Variants in R3HDM1 observed in about 807,000 individuals in gnomAD.
R3HDM1 encodes R3H domain-containing protein 1.
A neutral mutation model predicts 141.1 loss-of-function variants in R3HDM1; 46 were observed. That is an observed-to-expected ratio of 0.33 (90% CI 0.26 to 0.42). R3HDM1 has a LOEUF of 0.42. Ranked by LOEUF, R3HDM1 falls within the 10% of genes least tolerant of loss-of-function variation. The pLI, the probability that R3HDM1 is intolerant of heterozygous loss-of-function variation, is 1.00. For synonymous variants in R3HDM1, 435 were observed against 472.9 expected (o/e 0.92, Z 1.04); for missense variants, 1,184 against 1,368.3 (o/e 0.87, Z 2.12).
At chr2:135,648,618 T>C (rs1359447897) in intron 16 of R3HDM1, among the ~76,000 whole-genome samples, 1 of 152,188 alleles carries the variant, frequency 6.6e-6, no homozygotes, top group Non-Finnish European at 1.5e-5. Flanking sequence ...TACCTTAGTC[T>C]AACTGCCTTC....
intron 5 of R3HDM1, among the ~76,000 whole-genome samples, chr2:135,617,004 A>G (rs2061078804): frequency 6.6e-6 from 1 of 152,140 alleles, no homozygotes; most frequent in Non-Finnish European, 1.5e-5. Flanking sequence ...TGGCTTTAAG[A>G]AAGTTATAAA....
rs1242606405 is a variant in R3HDM1, at chr2:135,713,095, G to C, written c.2737-2455G>C. On this transcript the variant is annotated intron_variant, in intron 23 of 26. Transcript: ENST00000683871. ...TATACACCTGTAGCGCTAGTTACTT[G>C]GGAGGCTGAACCAGGAGGATTGCTT... Among the ~76,000 whole-genome samples, 3 of 151,970 alleles carry C rather than the reference G, an allele frequency of 2.0e-5. No individual in the cohort carries two copies. In the East Asian group the frequency reaches 5.8e-4, roughly 29 times the overall value.
rs1376268772 is a variant in R3HDM1 at position 135,647,811 on chromosome 2, T to G, written c.1624-2091T>G. Among the ~76,000 whole-genome samples, 3 of 152,196 alleles carry G rather than the reference T, an allele frequency of 2.0e-5. No homozygotes were observed. The East Asian group carries it at 5.8e-4, about 29-fold the overall frequency. On this transcript the variant is annotated intron_variant, in intron 16 of 26. Transcript: ENST00000683871. ...ACCAATTACTTTAGGTGGATGTTGT[T>G]TTGCAGCCAGTTGCAATTCAAGTAG...
chr2:135,642,662 T>C (rs2063923952), intron 15 of R3HDM1, among the ~76,000 whole-genome samples: 1 of 152,190 alleles, frequency 6.6e-6, no homozygotes, highest in African/African-American at 2.4e-5. Flanking sequence ...TAGATTTAGC[T>C]GATGTGGTCT....
Position 135,641,570 on chromosome 2 carries a change from A to G in R3HDM1, c.1254A>G (p.Thr418=), listed in dbSNP as rs2063795080. 2.5e-6 allele frequency: 4 copies of G among 1,613,914 alleles called. No homozygotes were observed. In the East Asian group the frequency reaches 6.7e-5, roughly 27 times the overall value. ...SESSGSVGSS[T]GSLSHIQQPL... is the part of the protein sequence containing the mutation. ...CTTCTGGTAGTGTAGGGTCATCTAC[A>G]GGCTCTCTTTCTCACATCCAGCAGC... Residue 418 remains threonine (T), a synonymous_variant, in exon 15 of 27, where the codon ACA becomes ACG. Coordinates refer to ENST00000683871, the MANE Select transcript of R3HDM1 (RefSeq NM_001378107.1).
At chr2:135,540,809 C>T (rs984185517) in intron 1 of R3HDM1, among the ~76,000 whole-genome samples, 17 of 152,256 alleles carry the variant, frequency 1.1e-4, no homozygotes, top group African/African-American at 3.6e-4. Context: ...CTATCTTTGG[C>T]GGCCATGTAG....
chr2:135,714,764 TACACAC>T (rs144894901), intron 23 of R3HDM1, among the ~76,000 whole-genome samples: 4 of 146,858 alleles, frequency 2.7e-5, no homozygotes, highest in South Asian at 2.2e-4. Context: ...TATGGGTGTA[TACACAC>T]ACACACACAC....
chr2:135,552,048 G>A (rs1699930240), intron 1 of R3HDM1, among the ~76,000 whole-genome samples: 1 of 152,164 alleles, frequency 6.6e-6, no homozygotes, highest in South Asian at 2.1e-4. Flanking sequence ...AGTTTATTTA[G>A]TAAAGAAGTT....
rs2069005024 is a variant in R3HDM1, at chr2:135,675,401, A to G, written c.2222A>G (p.Gln741Arg). 5 of 1,614,048 alleles carry G rather than the reference A, an allele frequency of 3.1e-6. No homozygotes were observed. The East Asian group carries it at 1.1e-4, about 36-fold the overall frequency. The change falls in exon 20 of 27, where the codon CAG becomes CGG. Residue 741 changes from glutamine (Q) to arginine (R), a missense_variant. By Grantham distance (43) the Gln-to-Arg change is conservative. This residue lies in a region of R3HDM1 where 563 missense variants were observed against 562.0 expected (regional missense o/e 1.00). Transcript: ENST00000683871. ...GIVGVQQPQS[Q>R]SLVSGQPNSI... ...GTTGGAGTTCAGCAACCCCAGAGTC[A>G]GAGCCTAGTCAGTGGCCAACCCAAC... is the stretch of plus-strand genomic sequence containing the variant.
intron 9 of R3HDM1, chr2:135,633,719 A>C (rs2062961270): frequency 6.6e-6 from 1 of 152,164 alleles, no homozygotes; most frequent in Non-Finnish European, 1.5e-5. Context: ...TCCAGCCTTG[A>C]ATCAGTGGTG....
chr2:135,588,701 A>G (rs1708521293), intron 1 of R3HDM1, among the ~76,000 whole-genome samples: 1 of 152,044 alleles, frequency 6.6e-6, no homozygotes, highest in South Asian at 2.1e-4. Context: ...AAAGGGAATT[A>G]TTTTTCTCTT....
In R3HDM1 at chr2:135,630,292, AAAAAAAAAAAAAAAAAC is replaced by A. The variant is rs1171938788; in HGVS notation, c.498-1415_498-1399del. The stretch of plus-strand genomic sequence containing the variant: ...AACTCCTTCTCAACCAAAAAAAAAA[AAAAAAAAAAAAAAAAAC>A]AAAAAAAAAACGAGATTCTCATACT... On this transcript the variant is annotated intron_variant, in intron 7 of 26. Transcript: ENST00000683871. Among the ~76,000 whole-genome samples, 79 of 146,098 alleles carry A rather than the reference AAAAAAAAAAAAAAAAAC, an allele frequency of 5.4e-4. 1 individual carries two copies. Among genetic ancestry groups the A allele is most frequent in the African/African-American group, 1.9e-3 (72 of 37,954 alleles).
At chr2:135,532,041 C>G (rs770336313) in intron 1 of R3HDM1, among the ~76,000 whole-genome samples, 116 of 152,228 alleles carry the variant, frequency 7.6e-4, no homozygotes, top group Non-Finnish European at 1.5e-3. Context: ...TCTTGCAGCC[C>G]CAGGGACTCG....
chr2:135,669,685 G>A (rs2068041721), intron 19 of R3HDM1: 2 of 603,178 alleles, frequency 3.3e-6, no homozygotes, highest in South Asian at 1.5e-4. Flanking sequence ...CATAGAGAAG[G>A]TATGAACCTC....
At chr2:135,581,912 C>G (rs1002473596) in intron 1 of R3HDM1, among the ~76,000 whole-genome samples, 4 of 152,184 alleles carry the variant, frequency 2.6e-5, no homozygotes, top group African/African-American at 7.2e-5. Context: ...TATATTGACT[C>G]TAAGCCTTGA....
chr2:135,651,002 G>C, intron 17 of R3HDM1: 2 of 985,372 alleles, frequency 2.0e-6, no homozygotes, highest in Non-Finnish European at 1.2e-6. Flanking sequence ...ATAAGAGCTG[G>C]TCCTTATCCT....
At chr2:135,702,219 A>G (rs975676368) in intron 21 of R3HDM1, among the ~76,000 whole-genome samples, 458 of 40,578 alleles carry the variant, frequency 0.011, 3 homozygotes, top group African/African-American at 0.015. Context: ...CTCAGGGGGA[A>G]AAAAAAAAAA....
At position 135,638,730 on chromosome 2, in the gene R3HDM1, T is replaced by C. The variant is rs2278731; in HGVS notation, c.942-9T>C. The C allele has an allele frequency of 0.17, 279,243 of 1,613,532 alleles. 32,449 individuals carry two copies. The highest frequency in any genetic ancestry group is 0.45 in the East Asian group (20,037 of 44,848). On this transcript the variant is annotated splice_polypyrimidine_tract_variant and intron_variant, in intron 12 of 26. Transcript: ENST00000683871. Reference sequence around the variant, plus strand: ...TAAAAATTAAAATGTCCTATTAAAATGCCAACAGACTCCAAGACGAGGATG... The same window carrying C: ...TAAAAATTAAAATGTCCTATTAAAACGCCAACAGACTCCAAGACGAGGATG...
At chr2:135,677,115 A>G (rs1231007277) in intron 20 of R3HDM1, among the ~76,000 whole-genome samples, 4 of 152,224 alleles carry the variant, frequency 2.6e-5, no homozygotes, top group African/African-American at 4.8e-5. Flanking sequence ...ATGAAGAAGG[A>G]TATAAGCAAA....
Sources: allele counts gnomAD v4.1 joint callset (sites outside exome capture counted in the v4.1 genomes callset), GRCh38; gene constraint gnomAD v4.1.1; regional missense constraint gnomAD v4.1.1; transcripts MANE v1.5; gene names NCBI Gene and HGNC (gene_info 2026-07-23, HGNC 2026-07-21).